USP26: variants seen among roughly 807,000 people sequenced by gnomAD.
USP26 encodes the protein ubiquitin specific peptidase 26.
For synonymous variants in USP26, 236 were observed against 240.6 expected (o/e 0.98, Z 0.18); for missense variants, 649 against 642.3 (o/e 1.01, Z -0.11).
In USP26 at chrX:133,075,571, G is replaced by A. The variant is rs765361412; in HGVS notation, c.-77+8136C>T. Reference sequence around the variant, plus strand: ...ATGGTAAGATATTAGGGCAGGAATCGCTAAGAGCAGCATTCCAGGCAGAGA... The same window carrying A: ...ATGGTAAGATATTAGGGCAGGAATCACTAAGAGCAGCATTCCAGGCAGAGA... On this transcript the variant is annotated intron_variant, in intron 5 of 5. Transcript: ENST00000511190. Among the ~76,000 whole-genome samples, 9 of 111,893 alleles carry A rather than the reference G, an allele frequency of 8.0e-5. No individual in the cohort carries two copies. The South Asian group carries it at 3.0e-3, about 37-fold the overall frequency.
chrX:133,063,127 C>T (rs1456873510), intron 5 of USP26, among the ~76,000 whole-genome samples: 2 of 110,591 alleles, frequency 1.8e-5, no homozygotes, highest in Non-Finnish European at 3.8e-5. Flanking sequence ...GAAAGGATAT[C>T]AGAGATTGAT....
intron 5 of USP26, among the ~76,000 whole-genome samples, chrX:133,075,867 T>A (rs1457924843): frequency 9.0e-6 from 1 of 111,707 alleles, no homozygotes; most frequent in Non-Finnish European, 1.9e-5. Flanking sequence ...TCCAGACTAT[T>A]TGAGTACCTT....
At chrX:133,072,776 A>T (rs1352339616) in intron 5 of USP26, among the ~76,000 whole-genome samples, 4 of 112,002 alleles carry the variant, frequency 3.6e-5, no homozygotes, top group African/African-American at 1.3e-4. Context: ...CAAGAGCTGG[A>T]AGAAACCTTA....
chrX:133,090,429 C>G (rs1298205543), intron 3 of USP26, among the ~76,000 whole-genome samples: 1 of 112,117 alleles, frequency 8.9e-6, no homozygotes, highest in Non-Finnish European at 1.9e-5. Context: ...AGGGAAAGAC[C>G]ACATTCCAGA....
intron 5 of USP26, among the ~76,000 whole-genome samples, chrX:133,083,469 T>C (rs1466966205): frequency 9.0e-6 from 1 of 110,775 alleles, no homozygotes; most frequent in Non-Finnish European, 1.9e-5. Context: ...ACAGGACTTG[T>C]TGGGTTGTGG....
intron 5 of USP26, among the ~76,000 whole-genome samples, chrX:133,077,810 G>T (rs181965775): frequency 3.6e-5 from 4 of 111,764 alleles, no homozygotes; most frequent in African/African-American, 1.3e-4. Context: ...GGCTGGGTGC[G>T]GTGGCTTACG....
At chrX:133,044,738 C>T (rs2067432655) in intron 5 of USP26, among the ~76,000 whole-genome samples, 1 of 113,213 alleles carries the variant, frequency 8.8e-6, no homozygotes, top group Non-Finnish European at 1.9e-5. Flanking sequence ...CTGGTCCCAT[C>T]GACCACCCAA....
intron 5 of USP26, among the ~76,000 whole-genome samples, chrX:133,032,122 C>T (rs1271568341): frequency 2.7e-5 from 3 of 111,232 alleles, no homozygotes; most frequent in Non-Finnish European, 5.7e-5. Flanking sequence ...GCACTCTAGC[C>T]TGGGCAACAG....
intron 5 of USP26, among the ~76,000 whole-genome samples, chrX:133,058,957 G>A (rs2067486080): frequency 9.0e-6 from 1 of 110,788 alleles, no homozygotes; most frequent in Non-Finnish European, 1.9e-5. Flanking sequence ...GGGATTACAG[G>A]CGTCTGCCAC....
In USP26 at chrX:133,083,695, A is replaced by G. The variant is rs946329808; in HGVS notation, c.-77+12T>C. The G allele has an allele frequency of 2.7e-5, 3 of 111,817 alleles. No individual in the cohort carries two copies. The highest frequency in any genetic ancestry group is 5.6e-5 in the Non-Finnish European group (3 of 53,242). The allele number at this position is 111,817 out of a possible 1,213,427, so 9.2% of individuals were successfully genotyped here. ...AAAATAATTCTCCTCTGTGACTTAT[A>G]TATATCCTTACCTCCACAAGGATCC... On this transcript the variant is annotated intron_variant, in intron 5 of 5. Coordinates refer to ENST00000511190, the MANE Select transcript of USP26 (RefSeq NM_031907.3).
intron 5 of USP26, among the ~76,000 whole-genome samples, chrX:133,057,844 TTATATATATA>T (rs1198872172): frequency 6.8e-4 from 21 of 30,666 alleles, no homozygotes; most frequent in Non-Finnish European, 9.9e-4. Context: ...ATACTTTACA[TTATATATATA>T]TATATATATA....
intron 5 of USP26, among the ~76,000 whole-genome samples, chrX:133,077,347 C>G: frequency 8.9e-6 from 1 of 111,882 alleles, no homozygotes; most frequent in African/African-American, 3.2e-5. Flanking sequence ...TATAATCCTC[C>G]TATATTTTAC....
Position 133,025,274 on chromosome X carries a change from A to T in USP26, c.*205T>A, listed in dbSNP as rs1022383003. 2.0e-6 allele frequency: 1 copy of T among 510,192 alleles called. No homozygotes were observed. Among genetic ancestry groups the T allele is most frequent in the Non-Finnish European group, 3.2e-6 (1 of 316,802 alleles). 42.0% of individuals were successfully genotyped at this position (510,192 alleles called of 1,213,427 possible). A position where few individuals can be genotyped will look rare whatever the true frequency, so the allele number is the denominator to read the frequency against. On this transcript the variant is annotated 3_prime_UTR_variant, in exon 6 of 6. Transcript: ENST00000511190. ...AATTTCAGTCTTGTAGGAGAGAAGG[A>T]TGCTCATCAGCCAGAGCTATGGGAT...
chrX:133,077,706 T>C (rs1338576062), intron 5 of USP26, among the ~76,000 whole-genome samples: 1 of 111,719 alleles, frequency 9.0e-6, no homozygotes, highest in Non-Finnish European at 1.9e-5. Flanking sequence ...GTTTGGATTA[T>C]GGGGCGGATC....
In USP26 at chrX:133,028,081, T is replaced by C; in HGVS notation, c.140A>G (p.Tyr47Cys). 8.3e-7 allele frequency: 1 copy of C among 1,210,948 alleles called. No homozygotes were observed. Among genetic ancestry groups the C allele is most frequent in the South Asian group, 1.8e-5 (1 of 56,914 alleles). ...ATTATCACTTAGCCGAAAAGTGCTATATTTTCCACTTTTGAAATACAGCAC... is the reference window on the plus strand; with the variant it reads ...ATTATCACTTAGCCGAAAAGTGCTACATTTTCCACTTTTGAAATACAGCAC... ...RLVLYFKSGK[Y>C]STFRLSDNIQ... is the part of the protein sequence containing the mutation. The change falls in exon 6 of 6, where the codon TAT becomes TGT. Residue 47 changes from tyrosine to cysteine, a missense_variant. Physicochemically the swap from Tyr to Cys is radical, Grantham distance 194. Coordinates refer to ENST00000511190, the MANE Select transcript of USP26 (RefSeq NM_031907.3).
chrX:133,075,482 T>A (rs982600894), intron 5 of USP26, among the ~76,000 whole-genome samples: 2 of 112,154 alleles, frequency 1.8e-5, no homozygotes, highest in Non-Finnish European at 3.8e-5. Context: ...TTCTCTCCAG[T>A]TCTCCTATTT....
At position 133,090,907 on chromosome X, in the gene USP26, G is replaced by A. The variant is rs1483111471; in HGVS notation, c.-301-144C>T. ...TTGTGTAACAAGACAGGAAACACAAGGCTTAGGGAGCCTTAGCATGCAAAC... is the reference window on the plus strand; with the variant it reads ...TTGTGTAACAAGACAGGAAACACAAAGCTTAGGGAGCCTTAGCATGCAAAC... On this transcript the variant is annotated intron_variant, in intron 2 of 5. Coordinates refer to ENST00000511190, the MANE Select transcript of USP26 (RefSeq NM_031907.3). 4 of 112,288 alleles carry A rather than the reference G, an allele frequency of 3.6e-5. No individual in the cohort carries two copies. In the Admixed American group the frequency reaches 3.8e-4, roughly 11 times the overall value. The allele number at this position is 112,288 out of a possible 1,213,427, so 9.3% of individuals were successfully genotyped here.
At chrX:133,047,458 T>C (rs889857908) in intron 5 of USP26, among the ~76,000 whole-genome samples, 1 of 112,584 alleles carries the variant, frequency 8.9e-6, no homozygotes, top group South Asian at 3.7e-4. Context: ...AGTTTCTTCA[T>C]TAACATGAGT....
intron 5 of USP26, among the ~76,000 whole-genome samples, chrX:133,028,859 G>A (rs1426078005): frequency 1.8e-5 from 2 of 111,812 alleles, no homozygotes; most frequent in Non-Finnish European, 3.8e-5. Context: ...AAGTAAACCA[G>A]TCTACCTCCC....
Sources: gnomAD v4.1 joint callset for allele counts (sites outside exome capture counted in the v4.1 genomes callset) on GRCh38, gnomAD v4.1.1 for gene constraint, MANE v1.5 for transcripts, NCBI Gene and HGNC (gene_info 2026-07-23, HGNC 2026-07-21) for gene names.